MAST2: variants seen among roughly 807,000 people sequenced by gnomAD.
MAST2 encodes the protein microtubule-associated serine/threonine-protein kinase 2.
Under a neutral mutation model 147.4 loss-of-function variants are expected in MAST2, and 70 were observed. The observed-to-expected ratio is 0.47, with a 90% confidence interval of 0.39 to 0.58. The LOEUF is 0.58. MAST2 is among the 20% of genes least tolerant of loss of function. MAST2 has a pLI of 0.00. For synonymous variants in MAST2, 869 were observed against 896.8 expected (o/e 0.97, Z 0.55); for missense variants, 2,080 against 2,302.3 (o/e 0.90, Z 1.98).
At chr1:45,979,060 TA>T (rs1644292784) in intron 5 of MAST2, among the ~76,000 whole-genome samples, 3 of 152,198 alleles carry the variant, frequency 2.0e-5, no homozygotes, top group Admixed American at 2.0e-4. Flanking sequence ...CTAGAGTGTT[TA>T]GAGTTGCATA....
chr1:45,980,734 C>G (rs891429495), intron 5 of MAST2, among the ~76,000 whole-genome samples: 4 of 152,296 alleles, frequency 2.6e-5, no homozygotes, highest in Admixed American at 1.3e-4. Flanking sequence ...CAAAGTCTCA[C>G]TGTGTTCCCC....
chr1:45,970,279 A>G (rs571191353), intron 5 of MAST2, among the ~76,000 whole-genome samples: 1 of 152,202 alleles, frequency 6.6e-6, no homozygotes, highest in African/African-American at 2.4e-5. Context: ...TTTAACTCTC[A>G]GCATAATCCA....
intron 4 of MAST2, among the ~76,000 whole-genome samples, chr1:45,897,422 G>A (rs1393082604): frequency 2.6e-5 from 4 of 152,198 alleles, no homozygotes; most frequent in African/African-American, 4.8e-5. Context: ...CATCTCTGAT[G>A]TTTCAGCACT....
chr1:45,970,379 C>T (rs1409618433), intron 5 of MAST2, among the ~76,000 whole-genome samples: 3 of 152,106 alleles, frequency 2.0e-5, no homozygotes, highest in Non-Finnish European at 2.9e-5. Context: ...AGAATTTCTG[C>T]TCCTGCCGGG....
In MAST2 at chr1:46,010,748, G is replaced by C; in HGVS notation, c.997G>C (p.Glu333Gln). ...TTCCCAGGCCACCGCACAAATGGAA[G>C]AGCGACTAGCAGAGTTTATTTCCTC... ...RFPKATAQME[E>Q]RLAEFISSNT... is the part of the protein sequence containing the mutation. The change falls in exon 10 of 29, where the codon GAG (glutamate) becomes CAG (glutamine). Residue 333 changes from glutamate (E) to glutamine (Q), a missense_variant. Physicochemically the swap from Glu to Gln is conservative, Grantham distance 29. Around this residue, in one of 4 missense-constraint regions of MAST2, gnomAD observed 569 missense variants for 642.5 expected, o/e 0.89. Transcript: ENST00000361297. 1.2e-6 allele frequency: 2 copies of C among 1,613,518 alleles called. No individual in the cohort carries two copies. The highest frequency in any genetic ancestry group is 1.7e-6 in the Non-Finnish European group (2 of 1,179,912).
intron 4 of MAST2, among the ~76,000 whole-genome samples, chr1:45,896,726 G>A (rs1019476694): frequency 1.3e-5 from 2 of 152,184 alleles, no homozygotes; most frequent in African/African-American, 4.8e-5. Context: ...TTGTAAGCCA[G>A]AAACCGTAGA....
At chr1:45,863,680 C>T (rs1406522600) in intron 3 of MAST2, among the ~76,000 whole-genome samples, 2 of 152,146 alleles carry the variant, frequency 1.3e-5, no homozygotes, top group African/African-American at 2.4e-5. Flanking sequence ...TGCTTTTCTT[C>T]CTTTTTGGGT....
chr1:45,952,944 C>G (rs1283486820), intron 4 of MAST2, among the ~76,000 whole-genome samples: 5 of 152,074 alleles, frequency 3.3e-5, no homozygotes, highest in African/African-American at 9.7e-5. Context: ...TAAATCTAAG[C>G]AAGCAATTAT....
chr1:45,921,284 G>A (rs992522830), intron 4 of MAST2, among the ~76,000 whole-genome samples: 3 of 152,148 alleles, frequency 2.0e-5, no homozygotes, highest in South Asian at 2.1e-4. Context: ...GTGAGCCACC[G>A]TGCCCAGCCT....
chr1:45,943,556 G>A (rs868106404), intron 4 of MAST2, among the ~76,000 whole-genome samples: 1 of 152,146 alleles, frequency 6.6e-6, no homozygotes, highest in Non-Finnish European at 1.5e-5. Context: ...AGATCAAAAA[G>A]CATTCTTAGT....
intron 3 of MAST2, among the ~76,000 whole-genome samples, chr1:45,834,512 G>A (rs748716974): frequency 2.6e-5 from 4 of 152,094 alleles, no homozygotes; most frequent in Non-Finnish European, 5.9e-5. Flanking sequence ...GGTTCCCAGG[G>A]CATGTTCTAA....
At chr1:45,967,978 C>T (rs1342337630) in intron 5 of MAST2, among the ~76,000 whole-genome samples, 3 of 152,164 alleles carry the variant, frequency 2.0e-5, no homozygotes, top group Admixed American at 1.3e-4. Flanking sequence ...GTTGCTGTTA[C>T]AGATTAAGCA....
Position 46,027,870 on chromosome 1 carries a change from A to C in MAST2, c.2052+7A>C, listed in dbSNP as rs1557504014. The stretch of plus-strand genomic sequence containing the variant: ...GGAATTCCTGGACAAGCAGGTAAGG[A>C]AGGGTAGTTGATACACTGGGGGTTA... On this transcript the variant is annotated splice_region_variant and intron_variant, in intron 17 of 28. Transcript: ENST00000361297. The C allele has an allele frequency of 2.5e-6, 4 of 1,613,802 alleles. No homozygotes were observed. Among genetic ancestry groups the C allele is most frequent in the Non-Finnish European group, 3.4e-6 (4 of 1,179,908 alleles).
chr1:45,838,942 A>C (rs1316029592), intron 3 of MAST2, among the ~76,000 whole-genome samples: 4 of 152,150 alleles, frequency 2.6e-5, no homozygotes, highest in Non-Finnish European at 5.9e-5. Flanking sequence ...GGAGAGATAC[A>C]ACATTTTTGT....
intron 2 of MAST2, among the ~76,000 whole-genome samples, chr1:45,828,623 A>G (rs1188022180): frequency 6.6e-6 from 1 of 152,190 alleles, no homozygotes; most frequent in Non-Finnish European, 1.5e-5. Context: ...CCTTCACCTC[A>G]TTTATAAAGT....
At chr1:45,947,977 A>G (rs977669382) in intron 4 of MAST2, among the ~76,000 whole-genome samples, 1 of 152,172 alleles carries the variant, frequency 6.6e-6, no homozygotes, top group Non-Finnish European at 1.5e-5. Context: ...TGGCTTCCCA[A>G]AGTGCTGGGA....
chr1:45,834,886 A>T (rs553128879), intron 3 of MAST2, among the ~76,000 whole-genome samples: 1 of 149,658 alleles, frequency 6.7e-6, no homozygotes, highest in African/African-American at 2.5e-5. Flanking sequence ...GACTCACCCT[A>T]CCTGTCTACT....
At chr1:45,975,751 A>T (rs996167750) in intron 5 of MAST2, among the ~76,000 whole-genome samples, 17 of 151,772 alleles carry the variant, frequency 1.1e-4, no homozygotes, top group African/African-American at 4.1e-4. Context: ...CTAATCAAAT[A>T]TGGATGGGTA....
chr1:45,808,339 T>C (rs1644199615), intron 1 of MAST2, among the ~76,000 whole-genome samples: 1 of 152,178 alleles, frequency 6.6e-6, no homozygotes, highest in Non-Finnish European at 1.5e-5. Context: ...CAAGCGTTTC[T>C]CCTGTCTCAG....
Sources: gnomAD v4.1 joint callset for allele counts (sites outside exome capture counted in the v4.1 genomes callset) on GRCh38, gnomAD v4.1.1 for gene constraint, gnomAD v4.1.1 regional missense constraint, MANE v1.5 for transcripts, NCBI Gene and HGNC (gene_info 2026-07-23, HGNC 2026-07-21) for gene names.